Variants in SHLD2 observed in about 807,000 individuals in gnomAD.
SHLD2 encodes the protein RINN1-REV7-interacting novel NHEJ regulator 2.
Under a neutral mutation model 73.2 loss-of-function variants are expected in SHLD2, and 30 were observed. That is an observed-to-expected ratio of 0.41 (90% CI 0.31 to 0.56). The LOEUF (loss-of-function observed/expected upper bound fraction) is 0.56, where lower values mean the gene tolerates loss of function less well. Among genes scored for constraint, SHLD2 ranks in the 20% least tolerant of loss-of-function variants. The pLI is 0.28. For missense variants in SHLD2, 745 were observed against 1,055.9 expected, an observed-to-expected ratio of 0.71 and a Z score of 4.08; for synonymous variants, 285 against 370.1, an observed-to-expected ratio of 0.77 and a Z score of 2.64.
intron 2 of SHLD2, chr10:87,114,511 G>A (rs1843122803): frequency 6.6e-6 from 1 of 152,152 alleles, no homozygotes; most frequent in Non-Finnish European, 1.5e-5. Flanking sequence ...GATCATCTGA[G>A]GTTAGGAGTT....
chr10:87,190,831 T>C lies in SHLD2; in HGVS notation c.*148T>C. ...TTGCACTAGATATATAAATTAAAAC[T>C]TTTTTCTAAGAAAATCCTGTGAGGT... On this transcript the variant is annotated 3_prime_UTR_variant, in exon 10 of 10. Coordinates refer to ENST00000298786, the MANE Select transcript of SHLD2 (RefSeq NM_001330112.2). 9.2e-6 allele frequency: 6 copies of C among 653,274 alleles called. No homozygotes were observed. In the South Asian group the frequency reaches 1.2e-4, roughly 13 times the overall value. The allele number at this position is 653,274 out of a possible 1,614,324, so 40.5% of individuals were successfully genotyped here.
At chr10:87,140,001 A>C (rs553101996) in intron 2 of SHLD2, among the ~76,000 whole-genome samples, 15 of 152,334 alleles carry the variant, frequency 9.8e-5, no homozygotes, top group Non-Finnish European at 2.1e-4. Context: ...ACAAAGAGAA[A>C]AAAAATACTA....
At position 87,170,504 on chromosome 10, in the gene SHLD2, C is replaced by T. The variant is rs146511329; in HGVS notation, c.1660C>T (p.Leu554Phe). Residue 554 changes from leucine (L) to phenylalanine (F), a missense_variant, in exon 5 of 10, where the codon CTT (leucine) becomes TTT (phenylalanine). Physicochemically the swap from Leu to Phe is conservative, Grantham distance 22. Coordinates refer to ENST00000298786, the MANE Select transcript of SHLD2 (RefSeq NM_001330112.2). The part of the protein sequence containing the change: ...EYSSVVSEVV[L>F]QDLLAYVSSK... ...TTCCAGTGTAGTTAGTGAAGTTGTACTTCAAGACTTACTGGCATATGTGTC... is the reference window on the plus strand; with the variant it reads ...TTCCAGTGTAGTTAGTGAAGTTGTATTTCAAGACTTACTGGCATATGTGTC... The T allele has an allele frequency of 2.3e-4, 370 of 1,602,422 alleles. No individual in the cohort carries two copies. The highest frequency in any genetic ancestry group is 3.0e-4 in the Non-Finnish European group (347 of 1,176,248).
chr10:87,180,886 T>C (rs1403891801), intron 8 of SHLD2, among the ~76,000 whole-genome samples: 1 of 152,234 alleles, frequency 6.6e-6, no homozygotes, highest in Non-Finnish European at 1.5e-5. Flanking sequence ...ATGCTCCTTA[T>C]GATTATTTCT....
At chr10:87,129,106 T>G (rs921168023) in intron 2 of SHLD2, among the ~76,000 whole-genome samples, 2 of 152,100 alleles carry the variant, frequency 1.3e-5, no homozygotes, top group Non-Finnish European at 2.9e-5. Context: ...GTTTTGTTTT[T>G]TTGAGACAGA....
intron 1 of SHLD2, among the ~76,000 whole-genome samples, chr10:87,096,694 C>CA (rs915449739): frequency 4.6e-5 from 7 of 152,298 alleles, no homozygotes; most frequent in Admixed American, 3.3e-4. Context: ...ATTGGACCTG[C>CA]AAAACGATGG....
At chr10:87,147,263 T>G (rs1316839430) in intron 2 of SHLD2, among the ~76,000 whole-genome samples, 1 of 152,002 alleles carries the variant, frequency 6.6e-6, no homozygotes, top group Non-Finnish European at 1.5e-5. Context: ...AGTATAGATA[T>G]GTAAAGCACA....
intron 2 of SHLD2, among the ~76,000 whole-genome samples, chr10:87,109,390 C>T (rs1326094815): frequency 6.6e-6 from 1 of 151,910 alleles, no homozygotes. Context: ...CCTCTGCCTC[C>T]TAGATTCAAG....
In SHLD2 at chr10:87,157,447, AC is replaced by A. The variant is rs550944950; in HGVS notation, c.1526-599del. 2.6e-5 allele frequency among the ~76,000 whole-genome samples: 4 copies of A among 152,112 alleles called. No homozygotes were observed. In the East Asian group the frequency reaches 7.7e-4, roughly 29 times the overall value. ...TTTTGCTCTACCTACAATTGTTTCT[AC>A]CTGTTGGTATGTTTAGTTCTACCTG... On this transcript the variant is annotated intron_variant, in intron 3 of 9. Coordinates refer to ENST00000298786, the MANE Select transcript of SHLD2 (RefSeq NM_001330112.2).
At position 87,152,794 on chromosome 10, in the gene SHLD2, A is replaced by G; in HGVS notation, c.1440A>G (p.Ser480=). 6.2e-7 allele frequency: 1 copy of G among 1,611,692 alleles called. No individual in the cohort carries two copies. ...PLATVTVIDQ[S]ETKKKVFLWR... ...CAACAGTTACAGTAATTGATCAATC[A>G]GAAACTAAGAAGAAGGTTTTTCTGT... Residue 480 remains serine (S), a synonymous_variant, in exon 3 of 10, where the codon TCA becomes TCG. Coordinates refer to ENST00000298786, the MANE Select transcript of SHLD2 (RefSeq NM_001330112.2).
intron 4 of SHLD2, among the ~76,000 whole-genome samples, chr10:87,158,518 G>A (rs1188459725): frequency 3.3e-5 from 5 of 152,150 alleles, no homozygotes; most frequent in South Asian, 2.1e-4. Flanking sequence ...AGCATTCCAC[G>A]GACCTCTGAA....
intron 4 of SHLD2, among the ~76,000 whole-genome samples, chr10:87,163,068 A>G (rs535259684): frequency 2.8e-4 from 42 of 152,058 alleles, no homozygotes; most frequent in Admixed American, 5.2e-4. Context: ...AATATATAGG[A>G]GAATGATTCA....
At chr10:87,094,768 A>T, upstream of SHLD2, 1 of 1,536,136 alleles carries the variant, frequency 6.5e-7, no homozygotes, top group Non-Finnish European at 8.8e-7. This position sits in a 1 kb window ranked among gnomAD's most constrained non-coding sequence, Gnocchi z 6.6. Context: ...GTAGCGGTAC[A>T]TGGCCACAAG....
At chr10:87,111,012 T>C (rs1842885435) in intron 2 of SHLD2, among the ~76,000 whole-genome samples, 2 of 151,706 alleles carry the variant, frequency 1.3e-5, no homozygotes, top group Admixed American at 1.3e-4. Context: ...CCTGGCTAAT[T>C]TTTGTATTAT....
chr10:87,154,003 T>C (rs1358605946), intron 3 of SHLD2: 2 of 152,240 alleles, frequency 1.3e-5, no homozygotes, highest in African/African-American at 4.8e-5. Context: ...TGAGAATTTT[T>C]AAATTGTTAT....
intron 2 of SHLD2, among the ~76,000 whole-genome samples, chr10:87,104,087 G>C (rs1842439901): frequency 6.6e-6 from 1 of 150,734 alleles, no homozygotes; most frequent in Non-Finnish European, 1.5e-5. Flanking sequence ...ACAAAAATCA[G>C]CCGGGCATGA....
At chr10:87,164,819 A>T (rs950698444) in intron 4 of SHLD2, among the ~76,000 whole-genome samples, 2 of 152,224 alleles carry the variant, frequency 1.3e-5, no homozygotes, top group Admixed American at 1.3e-4. Flanking sequence ...TTCATTAACT[A>T]ACCAGAGGGG....
At chr10:87,171,963 A>G (rs1847620055) in intron 6 of SHLD2, among the ~76,000 whole-genome samples, 2 of 152,244 alleles carry the variant, frequency 1.3e-5, no homozygotes, top group Non-Finnish European at 2.9e-5. Flanking sequence ...AATGTAGGTC[A>G]CAGGTATAGT....
At chr10:87,154,821 G>A (rs1488181723) in intron 3 of SHLD2, among the ~76,000 whole-genome samples, 2 of 152,168 alleles carry the variant, frequency 1.3e-5, no homozygotes, top group Non-Finnish European at 2.9e-5. Flanking sequence ...TACAGAGGAG[G>A]TATTTAGAAG....
Sources: allele counts gnomAD v4.1 joint callset (sites outside exome capture counted in the v4.1 genomes callset), GRCh38; gene constraint gnomAD v4.1.1; non-coding constraint Gnocchi (gnomAD v3.1); transcripts MANE v1.5; gene names NCBI Gene and HGNC (gene_info 2026-07-23, HGNC 2026-07-21).